The following DYNC2I1 variants were observed in gnomAD, a reference collection of about 807,000 sequenced individuals.
DYNC2I1 encodes cytoplasmic dynein 2 intermediate chain 1.
A neutral mutation model predicts 133.4 loss-of-function variants in DYNC2I1; 89 were observed. The ratio of observed to expected loss-of-function variants is 0.67; its 90% CI spans 0.56 to 0.80. The LOEUF is 0.80. Ranked by LOEUF, DYNC2I1 falls within the 30% of genes least tolerant of loss-of-function variation. The pLI, the probability that DYNC2I1 is intolerant of heterozygous loss-of-function variation, is 0.00. For synonymous variants in DYNC2I1, 504 were observed against 484.3 expected (o/e 1.04, Z -0.54); for missense variants, 1,291 against 1,314.5 (o/e 0.98, Z 0.28).
chr7:158,921,231 A>G (rs1236286129), intron 15 of DYNC2I1, among the ~76,000 whole-genome samples: 1 of 152,188 alleles, frequency 6.6e-6, no homozygotes, highest in Non-Finnish European at 1.5e-5. Context: ...GACGGGCCAC[A>G]GGGAGATGGG....
chr7:158,914,346 G>A (rs1401733613), intron 14 of DYNC2I1, 25 bp downstream of exon 14: 2 of 1,582,580 alleles, frequency 1.3e-6, no homozygotes, highest in Non-Finnish European at 1.7e-6. Flanking sequence ...TATATGTTGT[G>A]TTCTCTGTGT....
chr7:158,958,614 T>C (rs1232854317), downstream of DYNC2I1, among the ~76,000 whole-genome samples: 1 of 152,236 alleles, frequency 6.6e-6, no homozygotes, highest in Non-Finnish European at 1.5e-5. Flanking sequence ...ACACATTAGT[T>C]AAATAGAATG....
intron 1 of DYNC2I1, among the ~76,000 whole-genome samples, chr7:158,860,290 C>T (rs1841758809): frequency 6.6e-6 from 1 of 152,146 alleles, no homozygotes; most frequent in Admixed American, 6.5e-5. Flanking sequence ...AACTCCTGAC[C>T]TCAGGTGATT....
In DYNC2I1 at chr7:158,902,453, G is replaced by C; in HGVS notation, c.1215G>C (p.Leu405=). The C allele has an allele frequency of 6.2e-7, 1 of 1,613,742 alleles. No individual in the cohort carries two copies. The highest frequency in any genetic ancestry group is 2.2e-5 in the East Asian group (1 of 44,886). Residue 405 remains leucine (L), a synonymous_variant, in exon 10 of 25, where the codon CTG becomes CTC. Coordinates refer to ENST00000407559, the MANE Select transcript of DYNC2I1 (RefSeq NM_018051.5). Reference sequence around the variant, plus strand: ...ATGAACCTGAGTCAAGAGAAAAACTGGAAGAACTTCCTCTAGCTCAAAAAA... The same window carrying C: ...ATGAACCTGAGTCAAGAGAAAAACTCGAAGAACTTCCTCTAGCTCAAAAAA... ...SSNEPESREK[L]EELPLAQKKE...
At chr7:158,883,733 G>T (rs1198743614) in intron 5 of DYNC2I1, among the ~76,000 whole-genome samples, 20 of 126,220 alleles carry the variant, frequency 1.6e-4, no homozygotes, top group East Asian at 7.1e-4. Context: ...GCGCAATCTC[G>T]GCTCACTGCA....
At chr7:158,865,883 T>A (rs1842359988) in intron 1 of DYNC2I1, among the ~76,000 whole-genome samples, 2 of 152,238 alleles carry the variant, frequency 1.3e-5, no homozygotes. Context: ...TTGAACAGTT[T>A]GAAACTCTAG....
chr7:158,950,221 A>G (rs1852014447), downstream of DYNC2I1, among the ~76,000 whole-genome samples: 1 of 151,866 alleles, frequency 6.6e-6, no homozygotes, highest in Non-Finnish European at 1.5e-5. Context: ...GCACCACCAC[A>G]CTCGGCTGAT....
chr7:158,884,543 G>A (rs765818450), intron 5 of DYNC2I1, 21 bp from the exon 6 acceptor site: 3 of 1,607,174 alleles, frequency 1.9e-6, no homozygotes, highest in South Asian at 2.2e-5. Context: ...ATGGTTATGG[G>A]ATTATATTTT....
chr7:158,957,505 G>C (rs1852227923), downstream of DYNC2I1, among the ~76,000 whole-genome samples: 1 of 152,248 alleles, frequency 6.6e-6, no homozygotes, highest in African/African-American at 2.4e-5. Flanking sequence ...GTGGGTAGCA[G>C]CTGGAGGGGC....
At chr7:158,950,949 A>G (rs959237145), downstream of DYNC2I1, among the ~76,000 whole-genome samples, 1 of 152,172 alleles carries the variant, frequency 6.6e-6, no homozygotes, top group African/African-American at 2.4e-5. Flanking sequence ...ACCAGCCTCT[A>G]TATGATTCCA....
chr7:158,870,715 G>T (rs1304430317), intron 2 of DYNC2I1, among the ~76,000 whole-genome samples: 1 of 151,820 alleles, frequency 6.6e-6, no homozygotes, highest in African/African-American at 2.4e-5. Context: ...CCATATTTTG[G>T]GGGTACAGGT....
At chr7:158,872,220 G>A (rs1032476327) in intron 3 of DYNC2I1, among the ~76,000 whole-genome samples, 9 of 152,202 alleles carry the variant, frequency 5.9e-5, no homozygotes, top group African/African-American at 1.2e-4. Context: ...GTAGGCCGAG[G>A]TGGGAGGATC....
intron 7 of DYNC2I1, among the ~76,000 whole-genome samples, chr7:158,889,227 C>A (rs1844942408): frequency 6.6e-6 from 1 of 152,072 alleles, no homozygotes; most frequent in Non-Finnish European, 1.5e-5. Context: ...ACTACAGGCG[C>A]CTGTCACCAC....
the DYNC2I1 span, among the ~76,000 whole-genome samples, chr7:158,848,645 C>A: frequency 6.6e-6 from 1 of 151,940 alleles, no homozygotes; most frequent in African/African-American, 2.4e-5. Flanking sequence ...GTGGACCAGG[C>A]CGGGCGCGGT....
At chr7:158,892,851 T>G (rs1046060644) in intron 8 of DYNC2I1, among the ~76,000 whole-genome samples, 3 of 151,598 alleles carry the variant, frequency 2.0e-5, no homozygotes, top group Non-Finnish European at 4.4e-5. Context: ...TGAGGCAGAA[T>G]TGCTTGAACC....
rs2301899 is a variant in DYNC2I1, at chr7:158,942,348, G to C, written c.3002+200G>C. Among the ~76,000 whole-genome samples, 3 of 152,212 alleles carry C rather than the reference G, an allele frequency of 2.0e-5. No individual in the cohort carries two copies. The East Asian group carries it at 5.8e-4, about 29-fold the overall frequency. On this transcript the variant is annotated intron_variant, in intron 24 of 24. Coordinates refer to ENST00000407559, the MANE Select transcript of DYNC2I1 (RefSeq NM_018051.5). ...CGGTGTTAGGTTCACAGAAATTTGA[G>C]TGGAAGGCAGAGATTTCTAGCACCC...
At position 158,885,125 on chromosome 7, in the gene DYNC2I1, C is replaced by G. The variant is rs773340918; in HGVS notation, c.935+506C>G. 4.9e-4 allele frequency among the ~76,000 whole-genome samples: 75 copies of G among 152,252 alleles called. 1 individual carries two copies. Among genetic ancestry groups the G allele is most frequent in the Non-Finnish European group, 9.3e-4 (63 of 68,026 alleles). ...CTAAAAACAGGACGTGCCGGCGAGT[C>G]CCCCTCTGCCCACTGTTTATCACTT... On this transcript the variant is annotated intron_variant, in intron 6 of 24. Transcript: ENST00000407559.
intron 23 of DYNC2I1, among the ~76,000 whole-genome samples, chr7:158,936,140 G>T (rs951489874): frequency 4.3e-4 from 65 of 152,268 alleles, no homozygotes; most frequent in African/African-American, 1.4e-3. Context: ...GTGATGAGCC[G>T]AGATAGTGCC....
intron 10 of DYNC2I1, 82 bp from the exon 11 acceptor site, chr7:158,905,907 A>G: frequency 9.5e-7 from 1 of 1,052,664 alleles, no homozygotes; most frequent in Non-Finnish European, 1.4e-6. Flanking sequence ...ATATATGCCT[A>G]TAATTGTTTT....
Sources: gnomAD v4.1 joint callset for allele counts (sites outside exome capture counted in the v4.1 genomes callset) on GRCh38, gnomAD v4.1.1 for gene constraint, MANE v1.5 for transcripts, NCBI Gene and HGNC (gene_info 2026-07-23, HGNC 2026-07-21) for gene names.